RNF212B: variants seen among roughly 807,000 people sequenced by gnomAD.
The protein encoded by RNF212B is E3 ubiquitin-protein ligase RNF212B.
Under a neutral mutation model 55.5 loss-of-function variants are expected in RNF212B, and 52 were observed. The ratio of observed to expected loss-of-function variants is 0.94; its 90% CI spans 0.75 to 1.18. The LOEUF (loss-of-function observed/expected upper bound fraction) is 1.18. Among genes scored for constraint, RNF212B ranks in the 50% most tolerant of loss-of-function variants. RNF212B has a pLI of 0.00. For missense variants in RNF212B, 289 were observed against 350.4 expected (o/e 0.82, Z 1.40); for synonymous variants, 99 against 121.4 (o/e 0.82, Z 1.21).
chr14:23,185,759 G>T (rs1877530889), intron 1 of RNF212B, among the ~76,000 whole-genome samples: 1 of 152,156 alleles, frequency 6.6e-6, no homozygotes, highest in Non-Finnish European at 1.5e-5. Context: ...TTTAGCACTT[G>T]GAATTTATAA....
intron 2 of RNF212B, among the ~76,000 whole-genome samples, chr14:23,220,170 G>A (rs1244811915): frequency 6.7e-6 from 1 of 148,346 alleles, no homozygotes; most frequent in African/African-American, 2.5e-5. Flanking sequence ...GGCAACAAGA[G>A]CAAAACTGTC....
At chr14:23,200,445 C>T (rs1879181089) in intron 2 of RNF212B, among the ~76,000 whole-genome samples, 1 of 152,114 alleles carries the variant, frequency 6.6e-6, no homozygotes, top group African/African-American at 2.4e-5. Context: ...CATGCCTCAG[C>T]TTCCCAAGTA....
At chr14:23,231,939 GTGCTCAATGTTGT>G (rs770808897) in intron 2 of RNF212B, among the ~76,000 whole-genome samples, 3 of 109,108 alleles carry the variant, frequency 2.7e-5, no homozygotes, top group Non-Finnish European at 5.6e-5. Context: ...CGTTCACTCA[GTGCTCAATGTTGT>G]TGCCCAGGCT....
At chr14:23,253,534 G>A (rs1289190621) in intron 4 of RNF212B, among the ~76,000 whole-genome samples, 4 of 152,058 alleles carry the variant, frequency 2.6e-5, no homozygotes, top group African/African-American at 7.2e-5. Flanking sequence ...TTGGGGGCGG[G>A]GAAAGGTGAG....
At position 23,192,400 on chromosome 14, in the gene RNF212B, G is replaced by A. The variant is rs969916181; in HGVS notation, c.-78-925G>A. Among the ~76,000 whole-genome samples the A allele has an allele frequency of 4.1e-4, 63 of 152,234 alleles. 1 individual carries two copies. Among genetic ancestry groups the A allele is most frequent in the African/African-American group, 1.5e-3 (62 of 41,528 alleles). On this transcript the variant is annotated intron_variant, in intron 1 of 15. Transcript: ENST00000399910. ...TGTCCTTTGTAGGGACATAGATGAA[G>A]CTGGAAATCATCATTCTCAGCAAAC...
chr14:23,218,472 G>C (rs189318508), intron 2 of RNF212B, among the ~76,000 whole-genome samples: 132 of 151,798 alleles, frequency 8.7e-4, no homozygotes, highest in Middle Eastern at 6.8e-3. Context: ...GAAAGAATTA[G>C]TGAGTTTGAA....
chr14:23,189,858 AG>A (rs1877950843), intron 1 of RNF212B, among the ~76,000 whole-genome samples: 1 of 152,112 alleles, frequency 6.6e-6, no homozygotes, highest in African/African-American at 2.4e-5. Context: ...TATTCCTTTC[AG>A]CTACCACCCA....
Position 23,224,850 on chromosome 14 carries a change from T to C in RNF212B, c.-1-15495T>C, listed in dbSNP as rs556896416. 1.1e-4 allele frequency among the ~76,000 whole-genome samples: 16 copies of C among 152,246 alleles called. No homozygotes were observed. In the East Asian group the frequency reaches 3.1e-3, roughly 29 times the overall value. On this transcript the variant is annotated intron_variant, in intron 2 of 15. Transcript: ENST00000399910. ...AATGAGAGAATATATTTGCAAACTT[T>C]CCATCTGACAAGGGATTAATAACTA...
At chr14:23,185,432 A>T (rs1482725041) in exon 1 of RNF212B, 1 of 152,222 alleles carries the variant, frequency 6.6e-6, no homozygotes, top group African/African-American at 2.4e-5. Flanking sequence ...AGATTTGAAG[A>T]CTTCTGCTCC....
intron 9 of RNF212B, 25 bp downstream of exon 9, chr14:23,262,995 A>G: frequency 1.3e-6 from 2 of 1,546,862 alleles, no homozygotes; most frequent in South Asian, 2.4e-5. Flanking sequence ...CAACATTAAA[A>G]CTGTTGGCAA....
At chr14:23,204,205 C>G (rs979431378) in intron 2 of RNF212B, among the ~76,000 whole-genome samples, 1 of 152,150 alleles carries the variant, frequency 6.6e-6, no homozygotes. Flanking sequence ...TTCCTTTTGC[C>G]GTGCAAAATA....
chr14:23,241,744 T>A (rs1883584994), intron 2 of RNF212B, among the ~76,000 whole-genome samples: 2 of 151,536 alleles, frequency 1.3e-5, no homozygotes, highest in Non-Finnish European at 2.9e-5. Flanking sequence ...AAGAGAAGAA[T>A]GTTATGTACT....
chr14:23,196,271 T>A (rs1197689039), intron 2 of RNF212B, among the ~76,000 whole-genome samples: 1 of 152,158 alleles, frequency 6.6e-6, no homozygotes, highest in Admixed American at 6.5e-5. Context: ...TCTGTCATTA[T>A]TCTTTCTGCT....
Position 23,270,638 on chromosome 14 carries a change from A to C in RNF212B, c.811A>C (p.Ser271Arg), listed in dbSNP as rs749692200. ...ESTTTLESLP[S>R]FQLPVLQTLY... ...CACAACTACACTAGAGAGTCTTCCTAGTTTCCAGCTACCAGTCCTGCAGGT... is the reference window on the plus strand; with the variant it reads ...CACAACTACACTAGAGAGTCTTCCTCGTTTCCAGCTACCAGTCCTGCAGGT... The change falls in exon 14 of 15, where the codon AGT becomes CGT. Residue 271 changes from serine to arginine, a missense_variant. By Grantham distance (110) the Ser-to-Arg change is moderately radical. Transcript: ENST00000430154. 6.4e-7 allele frequency: 1 copy of C among 1,550,512 alleles called. No individual in the cohort carries two copies. Among genetic ancestry groups the C allele is most frequent in the Non-Finnish European group, 8.7e-7 (1 of 1,146,568 alleles).
chr14:23,219,253 G>A (rs178747), intron 2 of RNF212B, among the ~76,000 whole-genome samples: 70,472 of 151,938 alleles, frequency 0.46, 17,005 homozygotes, highest in African/African-American at 0.6. Flanking sequence ...CGGAAGGTAC[G>A]AAACTCACTG....
intron 2 of RNF212B, among the ~76,000 whole-genome samples, chr14:23,203,184 T>A (rs1372157385): frequency 6.6e-6 from 1 of 152,016 alleles, no homozygotes; most frequent in African/African-American, 2.4e-5. Flanking sequence ...ATCATTCTTA[T>A]GCCTGTGTAT....
chr14:23,221,447 T>C (rs1881567969), intron 2 of RNF212B, among the ~76,000 whole-genome samples: 1 of 152,134 alleles, frequency 6.6e-6, no homozygotes, highest in Non-Finnish European at 1.5e-5. Flanking sequence ...AGTGTAACAA[T>C]TGTAAGTATA....
intron 2 of RNF212B, among the ~76,000 whole-genome samples, chr14:23,195,478 C>T (rs1030715363): frequency 2.6e-5 from 4 of 152,178 alleles, no homozygotes; most frequent in African/African-American, 9.6e-5. Flanking sequence ...ATGATTCACC[C>T]TCACTGCTCT....
chr14:23,255,072 T>C (rs1222077692), intron 4 of RNF212B, among the ~76,000 whole-genome samples: 1 of 152,192 alleles, frequency 6.6e-6, no homozygotes, highest in Non-Finnish European at 1.5e-5. Flanking sequence ...TAGCTAAATC[T>C]CCAAACAGGC....
Sources: allele counts gnomAD v4.1 joint callset (sites outside exome capture counted in the v4.1 genomes callset), GRCh38; gene constraint gnomAD v4.1.1; transcripts MANE v1.5; gene names NCBI Gene and HGNC (gene_info 2026-07-23, HGNC 2026-07-21).